ZRANB3: variants seen among roughly 807,000 people sequenced by gnomAD.
The protein encoded by ZRANB3 is DNA annealing helicase and endonuclease ZRANB3.
ZRANB3 carries 125 observed loss-of-function variants against 133.8 expected under a neutral mutation model. The ratio of observed to expected loss-of-function variants is 0.93; its 90% CI spans 0.81 to 1.08. ZRANB3 has a LOEUF of 1.08. ZRANB3 is among the 50% of genes least tolerant of loss of function. The probability of loss-of-function intolerance (pLI) is 0.00; values close to 1 mark genes in which losing one functional copy is unlikely to be tolerated. For missense variants in ZRANB3, 1,229 were observed against 1,275.5 expected (o/e 0.96, Z 0.56); for synonymous variants, 387 against 432.7 (o/e 0.89, Z 1.31).
chr2:135,483,133 A>C (rs1691914807), intron 2 of ZRANB3, among the ~76,000 whole-genome samples: 1 of 152,028 alleles, frequency 6.6e-6, no homozygotes, highest in South Asian at 2.1e-4. Flanking sequence ...TGGCCTCATA[A>C]AATGAGTTAG....
At chr2:135,253,687 G>A (rs142587349) in intron 12 of ZRANB3, among the ~76,000 whole-genome samples, 1 of 152,304 alleles carries the variant, frequency 6.6e-6, no homozygotes, top group East Asian at 1.9e-4. Context: ...CATAGAAAGG[G>A]TAATACATTG....
intron 6 of ZRANB3, among the ~76,000 whole-genome samples, chr2:135,319,812 G>A (rs1047372979): frequency 2.6e-5 from 4 of 151,956 alleles, no homozygotes; most frequent in African/African-American, 7.3e-5. Flanking sequence ...CAAACATACC[G>A]CTAATATAAT....
At chr2:135,370,607 GA>G (rs34776966) in intron 3 of ZRANB3, among the ~76,000 whole-genome samples, 18 of 152,010 alleles carry the variant, frequency 1.2e-4, no homozygotes, top group Non-Finnish European at 2.1e-4. Context: ...ATGGATACAG[GA>G]AAAAAATGGC....
intron 3 of ZRANB3, among the ~76,000 whole-genome samples, chr2:135,387,937 G>A (rs887058857): frequency 1.3e-5 from 2 of 152,270 alleles, no homozygotes; most frequent in Middle Eastern, 3.4e-3. Context: ...CTGCATACTC[G>A]TTAACTGAGG....
chr2:135,316,521 T>G (rs1316329336), intron 6 of ZRANB3, among the ~76,000 whole-genome samples: 1 of 152,174 alleles, frequency 6.6e-6, no homozygotes, highest in South Asian at 2.1e-4. Flanking sequence ...TGATTACTAA[T>G]ATTAATAATT....
chr2:135,288,886 G>C (rs1681537006), intron 8 of ZRANB3, among the ~76,000 whole-genome samples: 1 of 151,482 alleles, frequency 6.6e-6, no homozygotes, highest in Admixed American at 6.6e-5. Flanking sequence ...GTGTGTGTGT[G>C]TGTGTGTGTG....
At chr2:135,250,920 G>A (rs1679362290) in intron 12 of ZRANB3, among the ~76,000 whole-genome samples, 1 of 152,136 alleles carries the variant, frequency 6.6e-6, no homozygotes, top group African/African-American at 2.4e-5. Flanking sequence ...GTGAAAAGAG[G>A]GCCACCTGTC....
chr2:135,270,254 T>C (rs1680451353), intron 10 of ZRANB3, among the ~76,000 whole-genome samples: 1 of 152,200 alleles, frequency 6.6e-6, no homozygotes, highest in African/African-American at 2.4e-5. Context: ...TCTTTAATTT[T>C]ATAAAAAACA....
chr2:135,375,991 A>C (rs554789666), intron 3 of ZRANB3, among the ~76,000 whole-genome samples: 117 of 152,338 alleles, frequency 7.7e-4, no homozygotes, highest in African/African-American at 2.6e-3. Flanking sequence ...TTTGCTGCAG[A>C]CATAAATAGC....
At chr2:135,219,211 AT>A in intron 15 of ZRANB3, 33 bp from the exon 16 acceptor site, 2 of 1,324,558 alleles carry the variant, frequency 1.5e-6, no homozygotes, top group Non-Finnish European at 2.0e-6. Flanking sequence ...CTAATAATCC[AT>A]TTTTGTATAG....
Position 135,480,106 on chromosome 2 carries a change from T to G in ZRANB3, c.161+24223A>C, listed in dbSNP as rs529783710. On this transcript the variant is annotated intron_variant, in intron 2 of 20. Transcript: ENST00000264159. ...CCGCCACCATGTCAGGCTAATTTTT[T>G]TTTTTTTTTGTATTTTTAGTAGAGA... is the stretch of plus-strand genomic sequence containing the variant. 3.3e-5 allele frequency among the ~76,000 whole-genome samples: 5 copies of G among 151,404 alleles called. No homozygotes were observed. The East Asian group carries it at 9.8e-4, about 30-fold the overall frequency.
At chr2:135,285,985 G>T (rs1473815281) in intron 8 of ZRANB3, among the ~76,000 whole-genome samples, 1 of 152,138 alleles carries the variant, frequency 6.6e-6, no homozygotes, top group African/African-American at 2.4e-5. Context: ...TCCAATAGTT[G>T]ACTTTGTACT....
chr2:135,287,195 T>C (rs1290702308), intron 8 of ZRANB3, among the ~76,000 whole-genome samples: 2 of 152,240 alleles, frequency 1.3e-5, no homozygotes, highest in Non-Finnish European at 2.9e-5. Flanking sequence ...CCACTTTATC[T>C]TTCTGTTTGC....
intron 12 of ZRANB3, among the ~76,000 whole-genome samples, chr2:135,241,949 G>GT (rs1158592516): frequency 6.6e-6 from 1 of 152,132 alleles, no homozygotes; most frequent in East Asian, 1.9e-4. Flanking sequence ...GGAAGGTGAG[G>GT]TGGGCGAATC....
intron 3 of ZRANB3, among the ~76,000 whole-genome samples, chr2:135,377,045 G>A (rs544054596): frequency 4.8e-4 from 73 of 152,282 alleles, no homozygotes; most frequent in Middle Eastern, 6.8e-3. Context: ...AGCCAATAAA[G>A]TTCTTTCCCA....
chr2:135,509,814 C>A (rs1180139054), intron 1 of ZRANB3, among the ~76,000 whole-genome samples: 1 of 152,046 alleles, frequency 6.6e-6, no homozygotes, highest in Non-Finnish European at 1.5e-5. Context: ...AAGAAAAGTT[C>A]TATTCCTTTT....
intron 9 of ZRANB3, among the ~76,000 whole-genome samples, chr2:135,273,777 T>G (rs1031236546): frequency 6.6e-6 from 1 of 152,142 alleles, no homozygotes; most frequent in Non-Finnish European, 1.5e-5. Flanking sequence ...CCTCAGATGA[T>G]CTGCCCGCCT....
At chr2:135,232,753 C>T (rs1028853273) in intron 12 of ZRANB3, among the ~76,000 whole-genome samples, 2 of 152,192 alleles carry the variant, frequency 1.3e-5, no homozygotes, top group East Asian at 1.9e-4. Context: ...AGAAGGAAAA[C>T]TAACAAACAG....
intron 2 of ZRANB3, among the ~76,000 whole-genome samples, chr2:135,440,869 A>C (rs554742008): frequency 5.9e-5 from 9 of 152,176 alleles, no homozygotes; most frequent in Non-Finnish European, 1.0e-4. Flanking sequence ...GGGATCCCAA[A>C]CTTATGAGAA....
Sources: gnomAD v4.1 joint callset for allele counts (sites outside exome capture counted in the v4.1 genomes callset) on GRCh38, gnomAD v4.1.1 for gene constraint, MANE v1.5 for transcripts, NCBI Gene and HGNC (gene_info 2026-07-23, HGNC 2026-07-21) for gene names.